The following RBFOX3 variants were observed in gnomAD, a reference collection of about 807,000 sequenced individuals.
RBFOX3 encodes the protein RNA binding protein fox-1 homolog 3.
RBFOX3 carries 17 observed loss-of-function variants against 48.7 expected under a neutral mutation model. The observed-to-expected ratio is 0.35, with a 90% CI of 0.24 to 0.52. The LOEUF is 0.52. Ranked by LOEUF, RBFOX3 falls within the 20% of genes least tolerant of loss-of-function variation. The probability of loss-of-function intolerance (pLI) is 0.94; values close to 1 mark genes in which losing one functional copy is unlikely to be tolerated. For missense variants in RBFOX3, 382 were observed against 497.5 expected, an observed-to-expected ratio of 0.77 and a Z score of 2.21; for synonymous variants, 212 against 209.5, an observed-to-expected ratio of 1.01 and a Z score of -0.10.
intron 4 of RBFOX3, among the ~76,000 whole-genome samples, chr17:79,117,434 G>C (rs1350738338): frequency 6.6e-6 from 1 of 152,182 alleles, no homozygotes; most frequent in African/African-American, 2.4e-5. Flanking sequence ...GGCCACGCAC[G>C]CTTTGTTCAC....
chr17:79,131,216 T>C (rs1236301618), intron 4 of RBFOX3, among the ~76,000 whole-genome samples: 6 of 124,802 alleles, frequency 4.8e-5, no homozygotes, highest in Admixed American at 4.4e-4. Flanking sequence ...CTGTGCACTG[T>C]GTGTGCCCTG....
intron 2 of RBFOX3, among the ~76,000 whole-genome samples, chr17:79,387,070 C>A (rs1311983833): frequency 1.3e-5 from 2 of 152,220 alleles, no homozygotes; most frequent in African/African-American, 4.8e-5. Context: ...TGAACAGGGA[C>A]AGGAAAGCAG....
At chr17:79,321,272 C>A (rs2078484139) in intron 2 of RBFOX3, among the ~76,000 whole-genome samples, 1 of 152,230 alleles carries the variant, frequency 6.6e-6, no homozygotes. Context: ...TACCTCATGT[C>A]TTCCCTGTGT....
rs1288214092 is a variant in RBFOX3 at position 79,242,516 on chromosome 17, A to G, written c.-73-6711T>C. Among the ~76,000 whole-genome samples, 1 of 151,970 alleles carries G rather than the reference A, an allele frequency of 6.6e-6. No individual in the cohort carries two copies. The highest frequency in any genetic ancestry group is 1.5e-5 in the Non-Finnish European group (1 of 67,996). On this transcript the variant is annotated intron_variant, in intron 3 of 14. Coordinates refer to ENST00000693108, the MANE Select transcript of RBFOX3 (RefSeq NM_001350451.2). This position sits in a 1 kb window ranked among gnomAD's most constrained non-coding sequence, Gnocchi z 5.8. Reference sequence around the variant, plus strand: ...TGTGATGTTTTCCTCCTTCTTCTGAATAGAAATTTGCCTTTAGAGAGGAAA... The same window carrying G: ...TGTGATGTTTTCCTCCTTCTTCTGAGTAGAAATTTGCCTTTAGAGAGGAAA...
chr17:79,612,727 C>T (rs1241831375), upstream of RBFOX3, among the ~76,000 whole-genome samples: 6 of 152,350 alleles, frequency 3.9e-5, no homozygotes, highest in South Asian at 2.1e-4. Flanking sequence ...TTTGAAATGG[C>T]GCATTCCAGC....
At chr17:79,321,417 G>A (rs1028375176) in intron 2 of RBFOX3, among the ~76,000 whole-genome samples, 5 of 152,152 alleles carry the variant, frequency 3.3e-5, no homozygotes, top group African/African-American at 7.2e-5. Flanking sequence ...CTCCAGGTCC[G>A]GCCCCAACAC....
chr17:79,448,843 C>A (rs1455646506), intron 2 of RBFOX3, among the ~76,000 whole-genome samples: 2 of 152,170 alleles, frequency 1.3e-5, no homozygotes, highest in Non-Finnish European at 2.9e-5. Flanking sequence ...TGGACGGCAG[C>A]CCCTGATGAA....
At chr17:79,466,872 C>A (rs2076383932) in intron 2 of RBFOX3, among the ~76,000 whole-genome samples, 1 of 152,066 alleles carries the variant, frequency 6.6e-6, no homozygotes, top group African/African-American at 2.4e-5. Context: ...CCCACACGAC[C>A]AGGTGTGAAG....
At chr17:79,377,461 A>ACG (rs936963230) in intron 2 of RBFOX3, among the ~76,000 whole-genome samples, 6 of 152,140 alleles carry the variant, frequency 3.9e-5, no homozygotes, top group African/African-American at 1.4e-4. Context: ...GGGCATGCGC[A>ACG]CGCACACACA....
At chr17:79,485,855 G>A (rs763457845) in intron 1 of RBFOX3, among the ~76,000 whole-genome samples, 212 of 152,292 alleles carry the variant, frequency 1.4e-3, no homozygotes, top group Admixed American at 2.3e-3. Context: ...TAGCCCCACC[G>A]ATAGGCCCAG....
chr17:79,557,073 A>G (rs1332338661), intron 1 of RBFOX3, among the ~76,000 whole-genome samples: 2 of 152,028 alleles, frequency 1.3e-5, no homozygotes, highest in South Asian at 4.1e-4. Context: ...GTGAAACTCC[A>G]TCTTTACCAA....
chr17:79,656,841 A>AGGAGGGAGGGAGG, the RBFOX3 span, among the ~76,000 whole-genome samples: 1 of 124,102 alleles, frequency 8.1e-6, no homozygotes. Context: ...AAAGAAAGAA[A>AGGAGGGAGGGAGG]GAAAAGAAAA....
chr17:79,552,496 T>G (rs1373509495), intron 1 of RBFOX3, among the ~76,000 whole-genome samples: 1 of 152,190 alleles, frequency 6.6e-6, no homozygotes, highest in African/African-American at 2.4e-5. Flanking sequence ...CTTATTCGTT[T>G]CCCACCTAGA....
intron 2 of RBFOX3, among the ~76,000 whole-genome samples, chr17:79,337,292 C>T (rs1031169732): frequency 6.6e-6 from 1 of 152,184 alleles, no homozygotes; most frequent in South Asian, 2.1e-4. Flanking sequence ...TGGAGCCACA[C>T]ATCCTAACAA....
chr17:79,336,017 T>A (rs1164996416), intron 2 of RBFOX3, among the ~76,000 whole-genome samples: 1 of 152,228 alleles, frequency 6.6e-6, no homozygotes, highest in African/African-American at 2.4e-5. Flanking sequence ...GCCCTCCCTC[T>A]GTGCTGTTTG....
chr17:79,562,428 A>G (rs1169908596), intron 1 of RBFOX3, among the ~76,000 whole-genome samples: 4 of 152,164 alleles, frequency 2.6e-5, no homozygotes, highest in African/African-American at 7.2e-5. Context: ...GCTGGATGCT[A>G]GAGATTAGAT....
rs1044578914 is a variant in RBFOX3 at position 79,586,514 on chromosome 17, G to A, written c.-320+24312C>T. On this transcript the variant is annotated intron_variant, in intron 1 of 14. Coordinates refer to ENST00000693108, the MANE Select transcript of RBFOX3 (RefSeq NM_001350451.2). ...GGGGCGTGTTTGTGATGCGGCAGTC[G>A]CTGACTGGTACCCCCTTCCCCCAGG... 2.1e-3 allele frequency among the ~76,000 whole-genome samples: 315 copies of A among 152,296 alleles called. 1 individual carries two copies. The highest frequency in any genetic ancestry group is 7.2e-3 in the African/African-American group (298 of 41,558).
At chr17:79,496,411 A>C (rs1237406816) in intron 1 of RBFOX3, among the ~76,000 whole-genome samples, 1 of 152,070 alleles carries the variant, frequency 6.6e-6, no homozygotes, top group African/African-American at 2.4e-5. Context: ...CCTAGCACAC[A>C]CTTCCAGCCT....
intron 1 of RBFOX3, among the ~76,000 whole-genome samples, chr17:79,545,171 A>C (rs190868712): frequency 6.6e-6 from 1 of 152,178 alleles, no homozygotes; most frequent in African/African-American, 2.4e-5. Flanking sequence ...AAAAGAAAGA[A>C]GTCCACGTAG....
Sources: allele counts gnomAD v4.1 joint callset (sites outside exome capture counted in the v4.1 genomes callset), GRCh38; gene constraint gnomAD v4.1.1; non-coding constraint Gnocchi (gnomAD v3.1); transcripts MANE v1.5; gene names NCBI Gene and HGNC (gene_info 2026-07-23, HGNC 2026-07-21).